The following TNIP3 variants were observed in gnomAD, a reference collection of about 807,000 sequenced individuals.
TNIP3 encodes TNFAIP3-interacting protein 3.
TNIP3 carries 34 observed loss-of-function variants against 54.1 expected under a neutral mutation model. The ratio of observed to expected loss-of-function variants is 0.63; its 90% CI spans 0.48 to 0.84. The LOEUF is 0.84. Among genes scored for constraint, TNIP3 ranks in the 40% least tolerant of loss-of-function variants. The pLI is 0.00. For synonymous variants in TNIP3, 134 were observed against 136.8 expected, an observed-to-expected ratio of 0.98 and a Z score of 0.14; for missense variants, 366 against 387.6, an observed-to-expected ratio of 0.94 and a Z score of 0.47.
At chr4:121,134,469 C>T (rs912905853) in intron 10 of TNIP3, among the ~76,000 whole-genome samples, 4 of 152,172 alleles carry the variant, frequency 2.6e-5, no homozygotes, top group African/African-American at 9.7e-5. Context: ...TGTAAAATCA[C>T]GTTTCTAAAC....
At chr4:121,197,969 T>A (rs956257222) in intron 2 of TNIP3, among the ~76,000 whole-genome samples, 1 of 152,218 alleles carries the variant, frequency 6.6e-6, no homozygotes, top group Non-Finnish European at 1.5e-5. Flanking sequence ...TGTGAAAGAT[T>A]CACTGATATT....
chr4:121,144,276 C>G (rs116207982), intron 7 of TNIP3, among the ~76,000 whole-genome samples: 1,783 of 152,218 alleles, frequency 0.012, 30 homozygotes, highest in African/African-American at 0.04. Flanking sequence ...CTGAAAGTAC[C>G]ATGCTAATTA....
chr4:121,200,818 G>T (rs1219059540), intron 2 of TNIP3, among the ~76,000 whole-genome samples: 1 of 152,064 alleles, frequency 6.6e-6, no homozygotes, highest in African/African-American at 2.4e-5. Context: ...AGCTCAGCTG[G>T]CCATTTCAAG....
chr4:121,158,357 A>G (rs576802286), intron 3 of TNIP3, among the ~76,000 whole-genome samples: 1 of 152,332 alleles, frequency 6.6e-6, no homozygotes, highest in South Asian at 2.1e-4. Context: ...CTCACCTCAC[A>G]TATAACTTTG....
At chr4:121,174,062 TC>T (rs755989886) in intron 3 of TNIP3, among the ~76,000 whole-genome samples, 5 of 152,158 alleles carry the variant, frequency 3.3e-5, no homozygotes, top group Non-Finnish European at 7.3e-5. Context: ...ATATAAAATC[TC>T]AACATTAGAG....
At chr4:121,196,530 A>G (rs1330940682) in intron 2 of TNIP3, among the ~76,000 whole-genome samples, 1 of 152,188 alleles carries the variant, frequency 6.6e-6, no homozygotes, top group Non-Finnish European at 1.5e-5. Flanking sequence ...TGAAATTCCC[A>G]GTTTGGAAAA....
chr4:121,200,138 T>C (rs949710309), intron 2 of TNIP3, among the ~76,000 whole-genome samples: 1 of 152,150 alleles, frequency 6.6e-6, no homozygotes, highest in Non-Finnish European at 1.5e-5. Flanking sequence ...GTTCCTTTAC[T>C]GCCCCCACAT....
chr4:121,204,513 C>T (rs1286838063), intron 2 of TNIP3, among the ~76,000 whole-genome samples: 2 of 152,198 alleles, frequency 1.3e-5, no homozygotes, highest in Non-Finnish European at 2.9e-5. Flanking sequence ...GGCGTGCATC[C>T]TCAACCTTGG....
At chr4:121,217,152 G>A (rs74618360), upstream of TNIP3, among the ~76,000 whole-genome samples, 3,304 of 152,292 alleles carry the variant, frequency 0.022, 76 homozygotes, top group Admixed American at 0.035. Flanking sequence ...TACATAGTAT[G>A]TCATGGGACT....
chr4:121,196,717 A>T (rs1725606668), intron 2 of TNIP3, among the ~76,000 whole-genome samples: 1 of 152,080 alleles, frequency 6.6e-6, no homozygotes, highest in Non-Finnish European at 1.5e-5. Flanking sequence ...ATAAATAGAA[A>T]AAGCAAGTAC....
intron 3 of TNIP3, among the ~76,000 whole-genome samples, chr4:121,179,355 G>A (rs1724547920): frequency 2.0e-5 from 3 of 152,168 alleles, no homozygotes; most frequent in Non-Finnish European, 1.5e-5. Flanking sequence ...ATAAAAGACA[G>A]TCATATTTAA....
intron 2 of TNIP3, among the ~76,000 whole-genome samples, chr4:121,159,285 CCAGTAAGTCT>C (rs1318216705): frequency 6.6e-6 from 1 of 152,080 alleles, no homozygotes; most frequent in East Asian, 1.9e-4. Flanking sequence ...AAAAGAAAAA[CCAGTAAGTCT>C]CAGGTATATC....
chr4:121,202,547 C>A (rs1391280406), intron 2 of TNIP3, among the ~76,000 whole-genome samples: 1 of 152,044 alleles, frequency 6.6e-6, no homozygotes, highest in Admixed American at 6.6e-5. Context: ...TAACCAAGAA[C>A]CCAAAACCAA....
chr4:121,151,875 T>C (rs1045361357), intron 5 of TNIP3, among the ~76,000 whole-genome samples: 4 of 152,166 alleles, frequency 2.6e-5, no homozygotes, highest in African/African-American at 9.7e-5. Flanking sequence ...TTCTAGAATA[T>C]TTACGATTAG....
intron 3 of TNIP3, 48 bp from the exon 4 acceptor site, chr4:121,157,291 A>T: frequency 6.2e-7 from 1 of 1,612,732 alleles, no homozygotes. Context: ...TCTGAAGCTC[A>T]CAAGCCCCTG....
intron 1 of TNIP3, among the ~76,000 whole-genome samples, chr4:121,224,982 AT>A (rs1241962779): frequency 6.6e-6 from 1 of 152,224 alleles, no homozygotes; most frequent in Non-Finnish European, 1.5e-5. Context: ...ATATATCTAT[AT>A]TTATTCACAT....
At chr4:121,163,998 A>G (rs1303677194) in intron 1 of TNIP3, 62 bp downstream of exon 1, 35 of 1,583,954 alleles carry the variant, frequency 2.2e-5, no homozygotes, top group Non-Finnish European at 2.8e-5. Context: ...TGCACAATTA[A>G]CCACTAGAAA....
chr4:121,134,839 G>C (rs557286561), intron 10 of TNIP3, among the ~76,000 whole-genome samples: 1 of 152,252 alleles, frequency 6.6e-6, no homozygotes, highest in Admixed American at 6.5e-5. Flanking sequence ...CAGTGTGAGC[G>C]ACGTTTCCTC....
At chr4:121,140,049 A>G (rs1163066423) in intron 9 of TNIP3, among the ~76,000 whole-genome samples, 1 of 152,188 alleles carries the variant, frequency 6.6e-6, no homozygotes, top group Non-Finnish European at 1.5e-5. Flanking sequence ...AATGTAGGCC[A>G]TTCTGGCCAG....
Sources: gnomAD v4.1 joint callset for allele counts (sites outside exome capture counted in the v4.1 genomes callset) on GRCh38, gnomAD v4.1.1 for gene constraint, MANE v1.5 for transcripts, NCBI Gene and HGNC (gene_info 2026-07-23, HGNC 2026-07-21) for gene names.